The following ANK3 variants were observed in gnomAD, a reference collection of about 807,000 sequenced individuals.
The protein encoded by ANK3 is ankyrin-3.
ANK3 carries 57 observed loss-of-function variants against 370.9 expected under a neutral mutation model. The ratio of observed to expected loss-of-function variants is 0.15; its 90% confidence interval spans 0.12 to 0.19. The LOEUF (loss-of-function observed/expected upper bound fraction) is 0.19, where lower values mean the gene tolerates loss of function less well. ANK3 is among the 10% of genes least tolerant of loss of function. The pLI, the probability that ANK3 is intolerant of heterozygous loss-of-function variation, is 1.00. For synonymous variants in ANK3, 1,929 were observed against 1,946.3 expected (o/e 0.99, Z 0.23); for missense variants, 4,439 against 5,302.1 (o/e 0.84, Z 5.06).
chr10:60,260,362 AAATG>A (rs2097786283), intron 7 of ANK3, among the ~76,000 whole-genome samples: 2 of 152,352 alleles, frequency 1.3e-5, no homozygotes, highest in South Asian at 4.1e-4. Context: ...AAGACTTCAG[AAATG>A]ATATTATTTT....
rs575566676 is a variant in ANK3 at position 60,272,512 on chromosome 10, C to T, written c.415-2283G>A. On this transcript the variant is annotated intron_variant, in intron 4 of 43. Coordinates refer to ENST00000280772, the MANE Select transcript of ANK3 (RefSeq NM_020987.5). ...TTTTTTTTGTTGAGACAGAGTCTCA[C>T]TCTGTCGCCCAAGCTGGAGTGCAGT... 3.5e-3 allele frequency among the ~76,000 whole-genome samples: 533 copies of T among 151,802 alleles called. 3 individuals are homozygous for T. Among genetic ancestry groups the T allele is most frequent in the African/African-American group, 0.012 (513 of 41,402 alleles).
At chr10:60,166,083 T>C (rs1416063431) in intron 23 of ANK3, among the ~76,000 whole-genome samples, 5 of 152,098 alleles carry the variant, frequency 3.3e-5, no homozygotes, top group African/African-American at 4.8e-5. Flanking sequence ...ATTAAATCAT[T>C]ATTGAAAATT....
chr10:60,728,390 A>G (rs2079972890), intron 1 of ANK3, among the ~76,000 whole-genome samples: 1 of 152,184 alleles, frequency 6.6e-6, no homozygotes, highest in African/African-American at 2.4e-5. Context: ...AGGGAGCACA[A>G]TTGCTTTAAA....
chr10:60,588,267 C>A (rs1388220673), intron 2 of ANK3, among the ~76,000 whole-genome samples: 2 of 151,112 alleles, frequency 1.3e-5, no homozygotes, highest in African/African-American at 4.9e-5. Flanking sequence ...TCACTACAAC[C>A]TCTGCCTCCC....
At chr10:60,421,946 A>AC (rs1264990048) in intron 2 of ANK3, among the ~76,000 whole-genome samples, 1 of 152,000 alleles carries the variant, frequency 6.6e-6, no homozygotes, top group Admixed American at 6.6e-5. Flanking sequence ...GAAGGCCCTG[A>AC]CCCCAATGTG....
chr10:60,555,902 A>C (rs1303752041), intron 2 of ANK3, among the ~76,000 whole-genome samples: 21 of 152,198 alleles, frequency 1.4e-4, no homozygotes, highest in Admixed American at 1.4e-3. Context: ...GCAGTGATCA[A>C]GGCAGTAAAT....
At chr10:60,706,291 T>G (rs904877478) in intron 1 of ANK3, among the ~76,000 whole-genome samples, 7 of 152,160 alleles carry the variant, frequency 4.6e-5, no homozygotes, top group Non-Finnish European at 8.8e-5. Flanking sequence ...AAACCACAAA[T>G]GATATCTCTG....
chr10:60,407,726 A>G (rs1207963516), intron 2 of ANK3, among the ~76,000 whole-genome samples: 11 of 152,254 alleles, frequency 7.2e-5, no homozygotes, highest in Non-Finnish European at 1.6e-4. Context: ...TGACTTTCAC[A>G]TAGGGCTCAG....
chr10:60,052,179 G>A (rs974292697), intron 42 of ANK3, among the ~76,000 whole-genome samples: 31 of 152,096 alleles, frequency 2.0e-4, no homozygotes, highest in African/African-American at 7.2e-4. Flanking sequence ...TGACCAACAC[G>A]GTGAAACCCT....
intron 2 of ANK3, among the ~76,000 whole-genome samples, chr10:60,435,921 AC>A (rs2064144216): frequency 1.3e-5 from 2 of 152,148 alleles, no homozygotes; most frequent in South Asian, 4.1e-4. Flanking sequence ...CCCCGTCTCT[AC>A]TAAAAATACA....
chr10:60,496,469 A>G (rs1226796373), intron 2 of ANK3, among the ~76,000 whole-genome samples: 1 of 152,138 alleles, frequency 6.6e-6, no homozygotes, highest in African/African-American at 2.4e-5. Context: ...AATTCAATGT[A>G]ATCTTCTTCC....
At chr10:60,497,506 A>G (rs1376932794) in intron 2 of ANK3, among the ~76,000 whole-genome samples, 2 of 152,224 alleles carry the variant, frequency 1.3e-5, no homozygotes, top group Non-Finnish European at 2.9e-5. Context: ...GAGATAAGCC[A>G]TAAAAATGCA....
At chr10:60,280,956 TGA>T (rs2098153374) in intron 1 of ANK3, among the ~76,000 whole-genome samples, 1 of 152,184 alleles carries the variant, frequency 6.6e-6, no homozygotes, top group African/African-American at 2.4e-5. Context: ...CCCTAAATTA[TGA>T]GCCCCTTCAG....
rs1165024054 is a variant in ANK3 at position 60,139,061 on chromosome 10, C to G, written c.2641G>C (p.Asp881His). The G allele has an allele frequency of 6.2e-7, 1 of 1,613,624 alleles. No individual in the cohort carries two copies. The highest frequency in any genetic ancestry group is 2.2e-5 in the East Asian group (1 of 44,874). Residue 881 changes from aspartate (D) to histidine (H), a missense_variant, in exon 24 of 44, where the codon GAC becomes CAC. This residue lies in a region of ANK3 where 702 missense variants were observed against 941.5 expected (regional missense o/e 0.75). Coordinates refer to ENST00000280772, the MANE Select transcript of ANK3 (RefSeq NM_020987.5). ...AGGTCCTGTGGCCCAAGATATTTGT[C>G]TGTGTCCCCGGTCATTGCATCTTCA... ...EGEDAMTGDTDKYLGPQDLKE... is the reference protein window; with the variant it reads ...EGEDAMTGDTHKYLGPQDLKE...
intron 2 of ANK3, among the ~76,000 whole-genome samples, chr10:60,557,217 C>A (rs1354124805): frequency 6.6e-6 from 1 of 151,928 alleles, no homozygotes; most frequent in East Asian, 1.9e-4. Context: ...ACTTTATTGA[C>A]AATAGGCAAA....
intron 2 of ANK3, among the ~76,000 whole-genome samples, chr10:60,431,439 G>A (rs931994275): frequency 6.6e-6 from 1 of 152,150 alleles, no homozygotes; most frequent in Non-Finnish European, 1.5e-5. Flanking sequence ...ATGAAGTTTT[G>A]CTCTCTGGAC....
intron 2 of ANK3, among the ~76,000 whole-genome samples, chr10:60,396,774 C>T (rs1163763612): frequency 6.6e-6 from 1 of 152,194 alleles, no homozygotes; most frequent in African/African-American, 2.4e-5. Context: ...GGCAAAATAG[C>T]TCTTACGCCA....
intron 2 of ANK3, among the ~76,000 whole-genome samples, chr10:60,553,860 G>A (rs541022501): frequency 2.1e-3 from 317 of 152,306 alleles, no homozygotes; most frequent in Non-Finnish European, 3.9e-3. Flanking sequence ...ATGGCAACTA[G>A]CCCTTTATAA....
chr10:60,726,121 T>C (rs1315866724), intron 1 of ANK3, among the ~76,000 whole-genome samples: 8 of 152,194 alleles, frequency 5.3e-5, no homozygotes, highest in Non-Finnish European at 1.0e-4. Context: ...CTCCTATTTA[T>C]TGATCATCTA....
Sources: gnomAD v4.1 joint callset for allele counts (sites outside exome capture counted in the v4.1 genomes callset) on GRCh38, gnomAD v4.1.1 for gene constraint, gnomAD v4.1.1 regional missense constraint, MANE v1.5 for transcripts, NCBI Gene and HGNC (gene_info 2026-07-23, HGNC 2026-07-21) for gene names.